DMD: variants seen among roughly 807,000 people sequenced by gnomAD.
DMD encodes dystrophin, also known as mutant dystrophin.
A neutral mutation model predicts 330.1 loss-of-function variants in DMD; 63 were observed. The ratio of observed to expected loss-of-function variants is 0.19; its 90% CI spans 0.16 to 0.24. DMD has a LOEUF of 0.24. Among genes scored for constraint, DMD ranks in the 10% least tolerant of loss-of-function variants. DMD has a pLI of 1.00. For missense variants in DMD, 3,344 were observed against 2,684.1 expected, an observed-to-expected ratio of 1.25 and a Z score of -5.43; for synonymous variants, 1,223 against 959.8, an observed-to-expected ratio of 1.27 and a Z score of -5.07.
intron 44 of DMD, among the ~76,000 whole-genome samples, chrX:32,112,890 G>A (rs1014377952): frequency 9.0e-6 from 1 of 111,553 alleles, no homozygotes; most frequent in Non-Finnish European, 1.9e-5. Flanking sequence ...CTGGAATCCC[G>A]CTATTAAATA....
intron 57 of DMD, among the ~76,000 whole-genome samples, chrX:31,494,996 T>C (rs1603260948): frequency 8.9e-6 from 1 of 112,099 alleles, no homozygotes; most frequent in Non-Finnish European, 1.9e-5. Context: ...CTTTTCTATA[T>C]GTACACCAGA....
In DMD at chrX:33,007,531, A is replaced by G. The variant is rs73621856; in HGVS notation, c.93+12608T>C. 4.3e-3 allele frequency among the ~76,000 whole-genome samples: 473 copies of G among 111,012 alleles called. 3 individuals are homozygous for G. Among genetic ancestry groups the G allele is most frequent in the African/African-American group, 0.015 (458 of 30,620 alleles). On this transcript the variant is annotated intron_variant, in intron 2 of 78. Transcript: ENST00000357033. The stretch of plus-strand genomic sequence containing the variant: ...TTTATTTTTTCTCTTAGCACTTGTC[A>G]CTCTCTGAAATTCTATATTCTACTT...
intron 9 of DMD, among the ~76,000 whole-genome samples, chrX:32,678,146 A>T (rs762451324): frequency 8.9e-6 from 1 of 112,040 alleles, no homozygotes; most frequent in Admixed American, 9.5e-5. Flanking sequence ...TAAAATTTTC[A>T]TCATGCAAGA....
chrX:33,165,717 A>G (rs1040899266), intron 1 of DMD, among the ~76,000 whole-genome samples: 2 of 111,826 alleles, frequency 1.8e-5, no homozygotes, highest in African/African-American at 6.5e-5. Context: ...ATTTATACAA[A>G]CAGAATAAAA....
chrX:33,107,465 A>G (rs2095301342), intron 1 of DMD, among the ~76,000 whole-genome samples: 1 of 111,205 alleles, frequency 9.0e-6, no homozygotes, highest in Non-Finnish European at 1.9e-5. Flanking sequence ...GCAGATATGA[A>G]AAAAAAATAG....
chrX:32,817,919 A>G (rs2077896862), intron 5 of DMD, among the ~76,000 whole-genome samples: 1 of 112,177 alleles, frequency 8.9e-6, no homozygotes, highest in South Asian at 3.7e-4. Context: ...AAATCTTTGC[A>G]TGTATCTGTC....
intron 44 of DMD, among the ~76,000 whole-genome samples, chrX:32,094,994 G>A (rs1384018369): frequency 9.0e-6 from 1 of 111,431 alleles, no homozygotes; most frequent in African/African-American, 3.3e-5. Flanking sequence ...GAGGGTAAAT[G>A]GCGAACAGGA....
At chrX:32,182,124 C>T (rs1296104606) in intron 44 of DMD, among the ~76,000 whole-genome samples, 1 of 111,829 alleles carries the variant, frequency 8.9e-6, no homozygotes, top group East Asian at 2.8e-4. Context: ...TCCAGCAAAG[C>T]TTTGTCCATT....
chrX:32,932,827 C>T (rs1329161412), intron 2 of DMD, among the ~76,000 whole-genome samples: 1 of 111,942 alleles, frequency 8.9e-6, no homozygotes, highest in Non-Finnish European at 1.9e-5. Flanking sequence ...TTTCTTTTTA[C>T]GTGCAAAACT....
chrX:33,139,896 A>AAAAAAAAAAAAAG (rs2047712754), intron 1 of DMD, among the ~76,000 whole-genome samples: 1 of 105,326 alleles, frequency 9.5e-6, no homozygotes, highest in African/African-American at 3.5e-5. Context: ...AAAAAAAAAA[A>AAAAAAAAAAAAAG]TGTCTAATCA....
At chrX:32,229,559 C>G (rs1459911756) in intron 43 of DMD, among the ~76,000 whole-genome samples, 2 of 103,290 alleles carry the variant, frequency 1.9e-5, no homozygotes, top group African/African-American at 7.0e-5. Context: ...TAATAACACT[C>G]TTTTTATTAG....
At chrX:32,344,990 G>A (rs1475397273) in intron 39 of DMD, among the ~76,000 whole-genome samples, 2 of 111,353 alleles carry the variant, frequency 1.8e-5, no homozygotes, top group Non-Finnish European at 3.8e-5. Flanking sequence ...ATTCCTTGCA[G>A]GCACAATATT....
intron 16 of DMD, among the ~76,000 whole-genome samples, chrX:32,545,676 C>T (rs2048899760): frequency 9.0e-6 from 1 of 111,458 alleles, no homozygotes; most frequent in South Asian, 3.7e-4. Context: ...AAAATGTTTA[C>T]ATTAATATGA....
chrX:31,221,060 C>T (rs1195945343), intron 64 of DMD, among the ~76,000 whole-genome samples: 1 of 109,079 alleles, frequency 9.2e-6, no homozygotes, highest in African/African-American at 3.3e-5. Flanking sequence ...GTCAAATCCA[C>T]TTCCTAAATA....
chrX:31,688,300 C>G (rs1244940840), intron 52 of DMD, among the ~76,000 whole-genome samples: 2 of 110,459 alleles, frequency 1.8e-5, no homozygotes, highest in Admixed American at 1.9e-4. Flanking sequence ...ACCACCGACA[C>G]CACAGAAATA....
chrX:32,879,884 T>C (rs756917042), intron 2 of DMD, among the ~76,000 whole-genome samples: 2 of 111,784 alleles, frequency 1.8e-5, no homozygotes, highest in Non-Finnish European at 3.8e-5. Flanking sequence ...TGTACTTGCA[T>C]GTATTCCAAT....
At chrX:32,295,799 A>G (rs891791156) in intron 42 of DMD, among the ~76,000 whole-genome samples, 3 of 111,959 alleles carry the variant, frequency 2.7e-5, no homozygotes, top group African/African-American at 9.8e-5. Context: ...TCTACTGTTT[A>G]GTTTTTCTTC....
chrX:31,214,951 T>C (rs1367616154), intron 64 of DMD, among the ~76,000 whole-genome samples: 2 of 81,946 alleles, frequency 2.4e-5, no homozygotes, highest in Middle Eastern at 5.1e-3. Context: ...TTTTTTTTTT[T>C]TTTTTTTTGA....
intron 60 of DMD, among the ~76,000 whole-genome samples, chrX:31,371,012 AAGT>A (rs2059536750): frequency 9.0e-6 from 1 of 111,489 alleles, no homozygotes; most frequent in South Asian, 3.8e-4. Flanking sequence ...TAGTTGCTGG[AAGT>A]AGGAGGTAGG....
Sources: allele counts gnomAD v4.1 joint callset (sites outside exome capture counted in the v4.1 genomes callset), GRCh38; gene constraint gnomAD v4.1.1; transcripts MANE v1.5; gene names NCBI Gene and HGNC (gene_info 2026-07-23, HGNC 2026-07-21).